Variants in UNC13C observed in about 807,000 individuals in gnomAD.
UNC13C encodes the protein protein unc-13 homolog C.
UNC13C carries 174 observed loss-of-function variants against 245.4 expected under a neutral mutation model. That is an observed-to-expected ratio of 0.71 (90% CI 0.63 to 0.80). The LOEUF (loss-of-function observed/expected upper bound fraction) is 0.80, where lower values mean the gene tolerates loss of function less well. Ranked by LOEUF, UNC13C falls within the 30% of genes least tolerant of loss-of-function variation. UNC13C has a pLI of 0.00. For synonymous variants in UNC13C, 992 were observed against 895.1 expected, an observed-to-expected ratio of 1.11 and a Z score of -1.93; for missense variants, 2,829 against 2,602.9, an observed-to-expected ratio of 1.09 and a Z score of -1.89.
chr15:54,545,090 C>G (rs1406615636), intron 26 of UNC13C, among the ~76,000 whole-genome samples: 2 of 152,112 alleles, frequency 1.3e-5, no homozygotes, highest in Non-Finnish European at 2.9e-5. Flanking sequence ...GTACTGGTAC[C>G]AGAACAGATA....
At chr15:54,442,154 C>T (rs1890562193) in intron 19 of UNC13C, among the ~76,000 whole-genome samples, 1 of 150,920 alleles carries the variant, frequency 6.6e-6, no homozygotes, top group African/African-American at 2.4e-5. Context: ...ATTTTGATGC[C>T]TTTTTTTCTT....
the UNC13C span, among the ~76,000 whole-genome samples, chr15:53,907,250 T>C: frequency 6.6e-6 from 1 of 152,214 alleles, no homozygotes; most frequent in Non-Finnish European, 1.5e-5. Flanking sequence ...TTCTGTTTTA[T>C]GCAAACAACA....
chr15:54,451,461 A>C (rs1891172727), intron 19 of UNC13C, among the ~76,000 whole-genome samples: 1 of 151,822 alleles, frequency 6.6e-6, no homozygotes, highest in South Asian at 2.1e-4. Context: ...GCTTTGTTTC[A>C]ACTCTTTTTA....
rs1363307424 is a variant in UNC13C at position 54,013,033 on chromosome 15, T to C, written c.130T>C (p.Phe44Leu). 3.1e-6 allele frequency: 5 copies of C among 1,613,744 alleles called. No individual in the cohort carries two copies. The East Asian group carries it at 1.1e-4, about 36-fold the overall frequency. The change falls in exon 2 of 33, where the codon TTC (phenylalanine) becomes CTC (leucine). Residue 44 changes from phenylalanine to leucine, a missense_variant. By Grantham distance (22) the Phe-to-Leu change is conservative. Coordinates refer to ENST00000260323, the MANE Select transcript of UNC13C (RefSeq NM_001080534.3). Reference protein sequence around the residue: ...EYRQQKKDQDFPTAGQTKSPK... With the variant: ...EYRQQKKDQDLPTAGQTKSPK... ...TCGTCAGCAGAAAAAGGATCAAGAC[T>C]TCCCCACTGCTGGCCAGACCAAATC... is the stretch of plus-strand genomic sequence containing the variant.
intron 4 of UNC13C, among the ~76,000 whole-genome samples, chr15:54,160,540 C>CT (rs1567058251): frequency 6.6e-6 from 1 of 151,834 alleles, no homozygotes; most frequent in Non-Finnish European, 1.5e-5. Flanking sequence ...CACTTAAACT[C>CT]TTTTTTGATT....
Position 54,361,803 on chromosome 15 carries a change from A to G in UNC13C, c.4713+23314A>G, listed in dbSNP as rs189553526. 3.0e-3 allele frequency among the ~76,000 whole-genome samples: 455 copies of G among 152,346 alleles called. 1 individual carries two copies. The highest frequency in any genetic ancestry group is 5.4e-3 in the Non-Finnish European group (367 of 68,028). On this transcript the variant is annotated intron_variant, in intron 17 of 32. Coordinates refer to ENST00000260323, the MANE Select transcript of UNC13C (RefSeq NM_001080534.3). ...CTGTGAGTTGAAGCTGAAATGCTGC[A>G]TCAGAACTGAATTGCTGCTCTGCTA...
At chr15:53,877,626 A>C in the UNC13C span, among the ~76,000 whole-genome samples, 1 of 152,294 alleles carries the variant, frequency 6.6e-6, no homozygotes, top group African/African-American at 2.4e-5. Flanking sequence ...GAAGGAGAAG[A>C]AACACGAAGA....
chr15:54,521,026 A>G (rs747590751), intron 24 of UNC13C, among the ~76,000 whole-genome samples: 1 of 152,176 alleles, frequency 6.6e-6, no homozygotes, highest in Non-Finnish European at 1.5e-5. Context: ...GGGTAATAAA[A>G]TTAATGGTAG....
chr15:54,222,298 G>T (rs2035251041), intron 4 of UNC13C, among the ~76,000 whole-genome samples: 1 of 151,512 alleles, frequency 6.6e-6, no homozygotes, highest in South Asian at 2.1e-4. Context: ...CTGTCTCCAT[G>T]AGTACAATTG....
At chr15:54,326,648 T>TG (rs2038304063) in intron 14 of UNC13C, among the ~76,000 whole-genome samples, 1 of 151,332 alleles carries the variant, frequency 6.6e-6, no homozygotes, top group South Asian at 2.1e-4. Flanking sequence ...AGGGGAGAAG[T>TG]GGGGAAAGGG....
intron 19 of UNC13C, among the ~76,000 whole-genome samples, chr15:54,494,386 T>C (rs1893859108): frequency 6.6e-6 from 1 of 152,120 alleles, no homozygotes; most frequent in African/African-American, 2.4e-5. Flanking sequence ...GATTAGAACA[T>C]TGAAGTTATT....
intron 17 of UNC13C, among the ~76,000 whole-genome samples, chr15:54,375,077 T>C (rs1234138786): frequency 6.6e-6 from 1 of 152,210 alleles, no homozygotes; most frequent in Non-Finnish European, 1.5e-5. Context: ...GTATATGTCT[T>C]CTGGTGAATA....
chr15:54,156,542 G>A (rs1020148684), intron 4 of UNC13C, among the ~76,000 whole-genome samples: 4 of 152,084 alleles, frequency 2.6e-5, no homozygotes, highest in African/African-American at 7.2e-5. Context: ...GGTTCCCCAC[G>A]TTTAACAATA....
At chr15:54,092,660 T>C (rs1310588113) in intron 2 of UNC13C, among the ~76,000 whole-genome samples, 2 of 152,162 alleles carry the variant, frequency 1.3e-5, no homozygotes, top group Non-Finnish European at 2.9e-5. Flanking sequence ...CTTAATATCT[T>C]TAATATGTTT....
intron 26 of UNC13C, among the ~76,000 whole-genome samples, chr15:54,545,805 A>C (rs1896458832): frequency 6.6e-6 from 1 of 152,160 alleles, no homozygotes; most frequent in African/African-American, 2.4e-5. Context: ...GTGATCACTA[A>C]AAAGTCAGGA....
At chr15:54,247,226 A>G (rs1567132493) in intron 7 of UNC13C, among the ~76,000 whole-genome samples, 1 of 152,176 alleles carries the variant, frequency 6.6e-6, no homozygotes, top group African/African-American at 2.4e-5. Context: ...GCTTCCATCA[A>G]TAGCAAATTT....
At chr15:54,632,168 A>G (rs983328822), downstream of UNC13C, 6 of 152,150 alleles carry the variant, frequency 3.9e-5, no homozygotes, top group Admixed American at 6.5e-5. Flanking sequence ...TCTTTTGCCC[A>G]TTTATTTAAT....
intron 30 of UNC13C, among the ~76,000 whole-genome samples, chr15:54,617,162 G>T (rs1378920599): frequency 6.6e-6 from 1 of 152,018 alleles, no homozygotes; most frequent in Non-Finnish European, 1.5e-5. Flanking sequence ...TAAGTGACAT[G>T]TGACTGTAGA....
chr15:53,912,422 A>G, the UNC13C span: 1 of 152,208 alleles, frequency 6.6e-6, no homozygotes, highest in Non-Finnish European at 1.5e-5. Flanking sequence ...GCACTGGTAG[A>G]CACTGGTGCA....
Sources: allele counts gnomAD v4.1 joint callset (sites outside exome capture counted in the v4.1 genomes callset), GRCh38; gene constraint gnomAD v4.1.1; transcripts MANE v1.5; gene names NCBI Gene and HGNC (gene_info 2026-07-23, HGNC 2026-07-21).